The following CPED1 variants were observed in gnomAD, a reference collection of about 807,000 sequenced individuals.
CPED1 encodes cadherin like and PC-esterase domain containing 1.
CPED1 carries 114 observed loss-of-function variants against 128.2 expected under a neutral mutation model. That is an observed-to-expected ratio of 0.89 (90% CI 0.76 to 1.04). CPED1 has a LOEUF of 1.04. CPED1 is among the 50% of genes least tolerant of loss of function. The probability of loss-of-function intolerance (pLI) is 0.00; values close to 1 mark genes in which losing one functional copy is unlikely to be tolerated. For missense variants in CPED1, 1,211 were observed against 1,207.1 expected, an observed-to-expected ratio of 1.00 and a Z score of -0.05; for synonymous variants, 462 against 426.7, an observed-to-expected ratio of 1.08 and a Z score of -1.02.
chr7:121,027,196 A>G (rs189898383), intron 3 of CPED1, among the ~76,000 whole-genome samples: 197 of 152,020 alleles, frequency 1.3e-3, no homozygotes, highest in African/African-American at 4.6e-3. Flanking sequence ...ATTCTTCTCA[A>G]GCTAGAAATG....
intron 2 of CPED1, among the ~76,000 whole-genome samples, chr7:121,012,815 G>A (rs1792195091): frequency 6.6e-6 from 1 of 152,120 alleles, no homozygotes; most frequent in South Asian, 2.1e-4. Context: ...TGCTATGATG[G>A]TTATTACCAA....
rs148690363 is a variant in CPED1 at position 121,133,881 on chromosome 7, G to A, written c.1636G>A (p.Glu546Lys). The change falls in exon 13 of 23, where the codon GAA becomes AAA. Residue 546 changes from glutamate (E) to lysine (K), a missense_variant. By Grantham distance (56) the Glu-to-Lys change is moderately conservative (BLOSUM62 1). Transcript: ENST00000310396. ...ACCACAAGTGCCATTTGATGCAATA[G>A]AAAATAAAAAAGGTAAAAATATAGA... is the stretch of plus-strand genomic sequence containing the variant. Reference protein sequence around the residue: ...EKPQVPFDAIENKKAAVPQIK... With the variant: ...EKPQVPFDAIKNKKAAVPQIK... The A allele has an allele frequency of 3.6e-4, 573 of 1,574,508 alleles. No homozygotes were observed. Among genetic ancestry groups the A allele is most frequent in the Non-Finnish European group, 4.8e-4 (549 of 1,152,140 alleles).
intron 2 of CPED1, among the ~76,000 whole-genome samples, chr7:120,994,652 TG>T (rs1483616578): frequency 5.9e-4 from 84 of 141,590 alleles, no homozygotes; most frequent in Non-Finnish European, 9.8e-4. Flanking sequence ...TGTGTGTGTG[TG>T]TGTGTGTTGT....
At chr7:121,134,341 A>C (rs1795739570) in intron 13 of CPED1, among the ~76,000 whole-genome samples, 1 of 152,070 alleles carries the variant, frequency 6.6e-6, no homozygotes, top group East Asian at 1.9e-4. Flanking sequence ...AAAGATAAAA[A>C]CCCCATAATC....
chr7:121,164,442 T>C (rs571649222), intron 16 of CPED1, among the ~76,000 whole-genome samples: 3 of 152,314 alleles, frequency 2.0e-5, no homozygotes, highest in East Asian at 3.9e-4. Flanking sequence ...CTTTTCCTCA[T>C]CCTAGTGATT....
At chr7:121,047,354 TAA>T (rs1413856619) in intron 4 of CPED1, among the ~76,000 whole-genome samples, 3 of 152,216 alleles carry the variant, frequency 2.0e-5, no homozygotes, top group Non-Finnish European at 4.4e-5. Flanking sequence ...GTTGGTATCA[TAA>T]GTTACAATAA....
chr7:121,029,257 C>G (rs1792671527), intron 3 of CPED1, among the ~76,000 whole-genome samples: 1 of 152,100 alleles, frequency 6.6e-6, no homozygotes, highest in South Asian at 2.1e-4. Flanking sequence ...AGAATCATTT[C>G]TAAAGCTCTT....
chr7:121,197,145 G>T (rs1200638353), intron 16 of CPED1, among the ~76,000 whole-genome samples: 5 of 143,054 alleles, frequency 3.5e-5, no homozygotes, highest in South Asian at 2.2e-4. Context: ...TTCTAGAGAG[G>T]ACCCAATAAG....
intron 4 of CPED1, among the ~76,000 whole-genome samples, chr7:121,052,958 A>G (rs954529167): frequency 1.3e-5 from 2 of 152,054 alleles, no homozygotes; most frequent in Admixed American, 1.3e-4. Flanking sequence ...GCCTCAAGTG[A>G]TCCGCCCACC....
chr7:121,039,757 C>A (rs1023908526), intron 3 of CPED1, among the ~76,000 whole-genome samples: 1 of 151,984 alleles, frequency 6.6e-6, no homozygotes, highest in African/African-American at 2.4e-5. Flanking sequence ...TAGGAGGGAA[C>A]TTTAGCAAGC....
intron 3 of CPED1, 50 bp downstream of exon 3, chr7:121,015,898 A>G (rs747092725): frequency 2.1e-5 from 27 of 1,279,020 alleles, no homozygotes; most frequent in Non-Finnish European, 2.6e-5. Context: ...TATAATGTTG[A>G]ACAATTTCTA....
chr7:121,013,978 A>G (rs1792228330), intron 2 of CPED1, among the ~76,000 whole-genome samples: 1 of 152,252 alleles, frequency 6.6e-6, no homozygotes, highest in Admixed American at 6.5e-5. Flanking sequence ...TGGCTGTTAA[A>G]GGGCTGATAT....
intron 12 of CPED1, among the ~76,000 whole-genome samples, chr7:121,130,880 G>A (rs1000405995): frequency 1.3e-5 from 2 of 152,024 alleles, no homozygotes; most frequent in Non-Finnish European, 2.9e-5. Flanking sequence ...CCATTCTAAT[G>A]AGAGGTAGTA....
At position 121,232,105 on chromosome 7, in the gene CPED1, CAAG is replaced by C. The variant is rs372649822; in HGVS notation, c.2056-4602_2056-4600del. On this transcript the variant is annotated intron_variant, in intron 16 of 22. Coordinates refer to ENST00000310396, the MANE Select transcript of CPED1 (RefSeq NM_024913.5). Reference sequence around the variant, plus strand: ...TGGTTTGAAAGAGGCAGTTGGAAGACAAGAAGAAGTAAACTTCCTGACTACGCA... The same window carrying C: ...TGGTTTGAAAGAGGCAGTTGGAAGACAAGAAGTAAACTTCCTGACTACGCA... Among the ~76,000 whole-genome samples, 171 of 152,204 alleles carry C rather than the reference CAAG, an allele frequency of 1.1e-3. 2 individuals carry two copies. Among genetic ancestry groups the C allele is most frequent in the African/African-American group, 3.9e-3 (160 of 41,546 alleles).
In CPED1 at chr7:121,295,823, T is replaced by G. The variant is rs144462615; in HGVS notation, c.*171T>G. Reference sequence around the variant, plus strand: ...CACACAGTTAAATAATGATAACACTTCTTACAGCTTTATGAATTCAAGATG... The same window carrying G: ...CACACAGTTAAATAATGATAACACTGCTTACAGCTTTATGAATTCAAGATG... On this transcript the variant is annotated 3_prime_UTR_variant, in exon 23 of 23. Coordinates refer to ENST00000310396, the MANE Select transcript of CPED1 (RefSeq NM_024913.5). 15 of 544,326 alleles carry G rather than the reference T, an allele frequency of 2.8e-5. No individual in the cohort carries two copies. The highest frequency in any genetic ancestry group is 4.2e-5 in the Non-Finnish European group (13 of 306,524). 33.7% of individuals were successfully genotyped at this position (544,326 alleles called of 1,614,324 possible).
chr7:121,180,603 C>G (rs930322979), intron 16 of CPED1, among the ~76,000 whole-genome samples: 1 of 152,034 alleles, frequency 6.6e-6, no homozygotes, highest in African/African-American at 2.4e-5. Context: ...CACACACTTT[C>G]TGTTCTTCTT....
rs191703714 is a variant in CPED1, at chr7:121,062,257, A to G, written c.541-1981A>G. ...TAAGGATTCTATTAATTCACCAGCAACGGAATGATTTTGCCCTATTTAGGG... is the reference window on the plus strand; with the variant it reads ...TAAGGATTCTATTAATTCACCAGCAGCGGAATGATTTTGCCCTATTTAGGG... On this transcript the variant is annotated intron_variant, in intron 4 of 22. Transcript: ENST00000310396. Among the ~76,000 whole-genome samples the G allele has an allele frequency of 7.7e-4, 118 of 152,314 alleles. 1 individual carries two copies. The highest frequency in any genetic ancestry group is 1.2e-3 in the Non-Finnish European group (82 of 68,030).
intron 22 of CPED1, among the ~76,000 whole-genome samples, chr7:121,289,942 G>A (rs1233553664): frequency 6.6e-6 from 1 of 152,072 alleles, no homozygotes; most frequent in Non-Finnish European, 1.5e-5. Flanking sequence ...TTCTCCTAAT[G>A]CTATTCCTCT....
intron 16 of CPED1, 43 bp from the exon 17 acceptor site, chr7:121,236,671 A>T: frequency 8.4e-7 from 1 of 1,186,778 alleles, no homozygotes. Flanking sequence ...ATTATGGGTC[A>T]AGTTAATTAA....
Sources: allele counts gnomAD v4.1 joint callset (sites outside exome capture counted in the v4.1 genomes callset), GRCh38; gene constraint gnomAD v4.1.1; transcripts MANE v1.5; gene names NCBI Gene and HGNC (gene_info 2026-07-23, HGNC 2026-07-21).